Variants in TNR observed in about 807,000 individuals in gnomAD.
TNR encodes the protein tenascin-R.
Under a neutral mutation model 150.4 loss-of-function variants are expected in TNR, and 45 were observed. The observed-to-expected ratio is 0.30, with a 90% CI of 0.24 to 0.38. The LOEUF (loss-of-function observed/expected upper bound fraction) is 0.38. TNR is among the 10% of genes least tolerant of loss of function. The pLI is 1.00. For synonymous variants in TNR, 687 were observed against 678.4 expected (o/e 1.01, Z -0.20); for missense variants, 1,544 against 1,759.1 (o/e 0.88, Z 2.19).
intron 2 of TNR, among the ~76,000 whole-genome samples, chr1:175,459,622 G>A (rs1656725417): frequency 6.6e-6 from 1 of 152,222 alleles, no homozygotes; most frequent in Non-Finnish European, 1.5e-5. Context: ...AAGTGTGTCT[G>A]GCAATCTGAA....
chr1:175,503,201 C>T (rs557471642), intron 2 of TNR, among the ~76,000 whole-genome samples: 16 of 152,236 alleles, frequency 1.1e-4, no homozygotes, highest in East Asian at 3.9e-4. Flanking sequence ...GATGAGAAGG[C>T]GCAGCTGAAT....
At chr1:175,605,785 A>C (rs989583761) in intron 1 of TNR, among the ~76,000 whole-genome samples, 2 of 151,966 alleles carry the variant, frequency 1.3e-5, no homozygotes, top group Admixed American at 1.3e-4. Context: ...TGGTCATCTC[A>C]TCTGCCCAGC....
chr1:175,442,079 A>AG (rs1413444022), intron 2 of TNR, among the ~76,000 whole-genome samples: 3 of 152,156 alleles, frequency 2.0e-5, no homozygotes, highest in Non-Finnish European at 4.4e-5. Context: ...CAATCTGCAG[A>AG]GGGGCTCCCT....
chr1:175,686,402 T>G (rs1315306646), intron 1 of TNR, among the ~76,000 whole-genome samples: 1 of 152,258 alleles, frequency 6.6e-6, no homozygotes, highest in Non-Finnish European at 1.5e-5. Context: ...AAACATTAAT[T>G]TGAAGACTGC....
At chr1:175,333,644 G>A (rs1336521447) in intron 20 of TNR, among the ~76,000 whole-genome samples, 1 of 152,176 alleles carries the variant, frequency 6.6e-6, no homozygotes, top group Admixed American at 6.5e-5. Flanking sequence ...CACTGTCATA[G>A]GTACATAGGT....
At chr1:175,662,749 G>A (rs960229245) in intron 1 of TNR, among the ~76,000 whole-genome samples, 1 of 152,192 alleles carries the variant, frequency 6.6e-6, no homozygotes, top group African/African-American at 2.4e-5. Flanking sequence ...GGGTGTGGGG[G>A]GCAGCGTAGG....
chr1:175,571,869 C>T (rs955592216), intron 1 of TNR, among the ~76,000 whole-genome samples: 7 of 152,194 alleles, frequency 4.6e-5, no homozygotes, highest in African/African-American at 1.7e-4. Context: ...TCAAAGGCAA[C>T]CCTGGCACAA....
intron 1 of TNR, among the ~76,000 whole-genome samples, chr1:175,733,814 C>G (rs1667704282): frequency 6.6e-6 from 1 of 152,104 alleles, no homozygotes; most frequent in Admixed American, 6.5e-5. Context: ...GATTTGCTGG[C>G]CTCTCGAGGG....
At chr1:175,367,336 G>T in intron 9 of TNR, 39 bp from the exon 10 acceptor site, 1 of 1,572,634 alleles carries the variant, frequency 6.4e-7, no homozygotes, top group Non-Finnish European at 8.8e-7. Flanking sequence ...TTCTGTGTAT[G>T]GGGCAGGGCT....
intron 1 of TNR, among the ~76,000 whole-genome samples, chr1:175,590,821 G>C (rs1208695664): frequency 6.6e-6 from 1 of 152,250 alleles, no homozygotes; most frequent in African/African-American, 2.4e-5. Context: ...TCAGGTGCCA[G>C]GGGCTGCAAA....
intron 9 of TNR, among the ~76,000 whole-genome samples, chr1:175,374,061 T>C (rs1004027023): frequency 7.9e-5 from 12 of 152,204 alleles, no homozygotes; most frequent in African/African-American, 2.9e-4. Context: ...TGCCTGGTCC[T>C]TTCCTCCTCA....
chr1:175,462,302 A>G (rs886697587), intron 2 of TNR, among the ~76,000 whole-genome samples: 1 of 152,238 alleles, frequency 6.6e-6, no homozygotes, highest in Admixed American at 6.5e-5. Context: ...TAATGAAAAC[A>G]CAGAAGCAAC....
chr1:175,450,940 C>G (rs1656278330), intron 2 of TNR, among the ~76,000 whole-genome samples: 3 of 152,168 alleles, frequency 2.0e-5, no homozygotes, highest in Admixed American at 1.3e-4. Context: ...CTTTTTTTCT[C>G]ACACAGATAA....
At chr1:175,562,052 A>C (rs1661451802) in intron 1 of TNR, among the ~76,000 whole-genome samples, 1 of 152,208 alleles carries the variant, frequency 6.6e-6, no homozygotes, top group African/African-American at 2.4e-5. Context: ...GAAGGATAAG[A>C]GGGCTAATGA....
At chr1:175,370,270 C>A (rs2102017691) in intron 9 of TNR, among the ~76,000 whole-genome samples, 1 of 150,046 alleles carries the variant, frequency 6.7e-6, no homozygotes, top group South Asian at 2.1e-4. Flanking sequence ...AGTCCAGTGC[C>A]TGGATCTTAG....
intron 9 of TNR, among the ~76,000 whole-genome samples, chr1:175,374,225 T>C (rs1652261812): frequency 6.6e-6 from 1 of 152,176 alleles, no homozygotes; most frequent in African/African-American, 2.4e-5. Context: ...TTTCTTCCCC[T>C]GCAGACAAGC....
At chr1:175,434,492 C>T (rs1442728475) in intron 2 of TNR, among the ~76,000 whole-genome samples, 2 of 152,174 alleles carry the variant, frequency 1.3e-5, no homozygotes, top group East Asian at 3.9e-4. Context: ...ACCTTCCCGC[C>T]ATTTGCCCTG....
intron 1 of TNR, among the ~76,000 whole-genome samples, chr1:175,648,213 G>T (rs1198467326): frequency 6.6e-6 from 1 of 152,138 alleles, no homozygotes; most frequent in Non-Finnish European, 1.5e-5. Context: ...CTTTGAGACT[G>T]AGGACAATGC....
chr1:175,618,001 A>G (rs1194104479), intron 1 of TNR, among the ~76,000 whole-genome samples: 1 of 152,140 alleles, frequency 6.6e-6, no homozygotes, highest in Non-Finnish European at 1.5e-5. Flanking sequence ...TTCCTGCATC[A>G]CTCCTAGGTA....
Sources: gnomAD v4.1 joint callset for allele counts (sites outside exome capture counted in the v4.1 genomes callset) on GRCh38, gnomAD v4.1.1 for gene constraint, MANE v1.5 for transcripts, NCBI Gene and HGNC (gene_info 2026-07-23, HGNC 2026-07-21) for gene names.